Variants in GAP43 observed in about 807,000 individuals in gnomAD.
GAP43 encodes the protein growth associated protein 43.
Under a neutral mutation model 18.6 loss-of-function variants are expected in GAP43, and 6 were observed. That is an observed-to-expected ratio of 0.32 (90% CI 0.18 to 0.64). The LOEUF (loss-of-function observed/expected upper bound fraction) is 0.64. GAP43 is among the 30% of genes least tolerant of loss of function. The pLI is 0.78. For missense variants in GAP43, 292 were observed against 295.5 expected (o/e 0.99, Z 0.09); for synonymous variants, 115 against 111.4 (o/e 1.03, Z -0.20).
chr3:115,684,430 A>G (rs191059912), intron 2 of GAP43, among the ~76,000 whole-genome samples: 4 of 152,316 alleles, frequency 2.6e-5, no homozygotes, highest in Admixed American at 2.6e-4. Context: ...TAATTTAGAT[A>G]TGTTTAAGCA....
chr3:115,669,973 TTTTTTTTTTTAA>T (rs1427933251), intron 1 of GAP43, among the ~76,000 whole-genome samples: 108 of 131,830 alleles, frequency 8.2e-4, no homozygotes, highest in Middle Eastern at 3.7e-3. Flanking sequence ...TTATTTTTAT[TTTTTTTTTTTAA>T]TTTTTTTTTT....
At chr3:115,636,944 G>A (rs1410301693) in intron 1 of GAP43, among the ~76,000 whole-genome samples, 1 of 151,870 alleles carries the variant, frequency 6.6e-6, no homozygotes, top group Non-Finnish European at 1.5e-5. Context: ...CTTTTACTTG[G>A]ATATTCTGTC....
intron 1 of GAP43, among the ~76,000 whole-genome samples, chr3:115,655,966 G>C (rs1341995546): frequency 6.6e-6 from 1 of 152,168 alleles, no homozygotes; most frequent in Non-Finnish European, 1.5e-5. Context: ...ACATGCCTTA[G>C]GCCAAAGCAT....
chr3:115,637,945 C>G (rs1295424608), intron 1 of GAP43, among the ~76,000 whole-genome samples: 1 of 152,010 alleles, frequency 6.6e-6, no homozygotes, highest in Non-Finnish European at 1.5e-5. Context: ...CCTTTTCATT[C>G]CTTCCTTTCT....
chr3:115,634,158 T>A (rs1056711717), intron 1 of GAP43, among the ~76,000 whole-genome samples: 12 of 152,060 alleles, frequency 7.9e-5, no homozygotes, highest in African/African-American at 2.9e-4. Flanking sequence ...AAGAGCTAGA[T>A]GAGGCAAAGA....
Position 115,698,982 on chromosome 3 carries a change from CTG to C in GAP43, c.629-21808_629-21807del, listed in dbSNP as rs554535128. The stretch of plus-strand genomic sequence containing the variant: ...GGCAGGACACCTAAGGCATAAAGGG[CTG>C]TGTTTCATCTTTACTGCTGATTCCT... On this transcript the variant is annotated intron_variant, in intron 2 of 2. Transcript: ENST00000305124. Among the ~76,000 whole-genome samples, 34 of 152,224 alleles carry C rather than the reference CTG, an allele frequency of 2.2e-4. No homozygotes were observed. The East Asian group carries it at 4.8e-3, about 22-fold the overall frequency.
chr3:115,716,988 C>T (rs1709517555), intron 2 of GAP43, among the ~76,000 whole-genome samples: 1 of 151,790 alleles, frequency 6.6e-6, no homozygotes, highest in East Asian at 1.9e-4. Context: ...TGAGTTTGGC[C>T]ACCTGATATA....
At chr3:115,641,714 A>G (rs1708399692) in intron 1 of GAP43, among the ~76,000 whole-genome samples, 1 of 152,034 alleles carries the variant, frequency 6.6e-6, no homozygotes, top group Non-Finnish European at 1.5e-5. Context: ...TTGTCTTTAT[A>G]CCTGATGGTG....
intron 1 of GAP43, among the ~76,000 whole-genome samples, chr3:115,643,752 C>G (rs56201599): frequency 0.18 from 27,185 of 151,864 alleles, 2,481 homozygotes; most frequent in Admixed American, 0.24. Context: ...TTCTCCAGCC[C>G]TTGTATCTAC....
At chr3:115,685,957 T>C (rs749166522) in intron 2 of GAP43, among the ~76,000 whole-genome samples, 4 of 152,234 alleles carry the variant, frequency 2.6e-5, no homozygotes, top group African/African-American at 9.6e-5. Context: ...TTATCAGATA[T>C]CTGCAGCGGC....
intron 2 of GAP43, among the ~76,000 whole-genome samples, chr3:115,707,334 T>G (rs534755548): frequency 2.0e-5 from 3 of 152,332 alleles, no homozygotes; most frequent in Admixed American, 2.0e-4. Flanking sequence ...AGGCTCTTGC[T>G]CTGTCACCAA....
At chr3:115,696,063 C>G (rs1416832953) in intron 2 of GAP43, among the ~76,000 whole-genome samples, 1 of 152,052 alleles carries the variant, frequency 6.6e-6, no homozygotes, top group Non-Finnish European at 1.5e-5. Context: ...TTCTCTCTCT[C>G]TCTCTTTTTT....
At position 115,676,621 on chromosome 3, in the gene GAP43, G is replaced by A. The variant is rs116678904; in HGVS notation, c.628+11G>A. On this transcript the variant is annotated intron_variant, in intron 2 of 2. Transcript: ENST00000305124. ...CTGAAGAGAACATAGGTGAGCAACC[G>A]CGAGGGTCAGATGCAATGGGTGGAT... 802 of 1,561,468 alleles carry A rather than the reference G, an allele frequency of 5.1e-4. 6 individuals are homozygous for A. In the African/African-American group the frequency reaches 9.9e-3, roughly 19 times the overall value.
At chr3:115,650,375 T>C (rs1708506752) in intron 1 of GAP43, among the ~76,000 whole-genome samples, 1 of 152,212 alleles carries the variant, frequency 6.6e-6, no homozygotes, top group African/African-American at 2.4e-5. Context: ...GTACTGATTA[T>C]GTGCACACAT....
In GAP43 at chr3:115,623,621, A is replaced by C; in HGVS notation, c.-69A>C. On this transcript the variant is annotated 5_prime_UTR_variant, in exon 1 of 3. Transcript: ENST00000305124. ...GCAAGCGAGCAGAAAAGAGGTGGAG[A>C]GGGGGGGAATAAGAAAGAGAGAGAA... 6.3e-7 allele frequency: 1 copy of C among 1,586,180 alleles called. No individual in the cohort carries two copies. Among genetic ancestry groups the C allele is most frequent in the Non-Finnish European group, 8.7e-7 (1 of 1,155,640 alleles).
intron 1 of GAP43, chr3:115,663,556 A>C: frequency 3.9e-6 from 5 of 1,288,606 alleles, no homozygotes; most frequent in Non-Finnish European, 4.9e-6. Context: ...GTTGTTTTCA[A>C]CATCTCAAGT....
intron 2 of GAP43, among the ~76,000 whole-genome samples, chr3:115,694,578 A>T (rs283382): frequency 0.13 from 19,081 of 152,240 alleles, 1,469 homozygotes; most frequent in African/African-American, 0.2. Flanking sequence ...CTTCACAATG[A>T]TCCTATGATG....
At chr3:115,690,417 A>C (rs184183714) in intron 2 of GAP43, among the ~76,000 whole-genome samples, 1 of 152,162 alleles carries the variant, frequency 6.6e-6, no homozygotes, top group Non-Finnish European at 1.5e-5. Context: ...CATGTTTCAG[A>C]AACATTTTTT....
rs2107489789 is a variant in GAP43, at chr3:115,676,463, G to A, written c.481G>A (p.Ala161Thr). 1 of 1,614,124 alleles carries A rather than the reference G, an allele frequency of 6.2e-7. No homozygotes were observed. The change falls in exon 2 of 3, where the codon GCC (alanine) becomes ACC (threonine). Residue 161 changes from alanine to threonine, a missense_variant. By Grantham distance (58) the Ala-to-Thr change is moderately conservative. Coordinates refer to ENST00000305124, the MANE Select transcript of GAP43 (RefSeq NM_002045.4). ...GTCCTCCAAGGCTGAAGATGCCCCA[G>A]CCAAGGAGGAGCCTAAACAAGCCGA... is the stretch of plus-strand genomic sequence containing the variant. ...SPSSKAEDAPAKEEPKQADVP... is the reference protein window; with the variant it reads ...SPSSKAEDAPTKEEPKQADVP...
Sources: allele counts gnomAD v4.1 joint callset (sites outside exome capture counted in the v4.1 genomes callset), GRCh38; gene constraint gnomAD v4.1.1; transcripts MANE v1.5; gene names NCBI Gene and HGNC (gene_info 2026-07-23, HGNC 2026-07-21).